CALN1: variants seen among roughly 807,000 people sequenced by gnomAD.
CALN1 encodes the protein calcium-binding protein 8.
Under a neutral mutation model 30.6 loss-of-function variants are expected in CALN1, and 17 were observed. That is an observed-to-expected ratio of 0.56 (90% CI 0.38 to 0.83). The LOEUF (loss-of-function observed/expected upper bound fraction) is 0.83, where lower values mean the gene tolerates loss of function less well. Among genes scored for constraint, CALN1 ranks in the 40% least tolerant of loss-of-function variants. The pLI, the probability that CALN1 is intolerant of heterozygous loss-of-function variation, is 0.00. For synonymous variants in CALN1, 156 were observed against 131.4 expected (o/e 1.19, Z -1.28); for missense variants, 291 against 354.9 (o/e 0.82, Z 1.45).
At chr7:72,231,491 C>T (rs1585222458) in intron 3 of CALN1, among the ~76,000 whole-genome samples, 1 of 152,148 alleles carries the variant, frequency 6.6e-6, no homozygotes, top group African/African-American at 2.4e-5. Flanking sequence ...TCATAGTATT[C>T]CATGGTATAT....
intron 3 of CALN1, among the ~76,000 whole-genome samples, chr7:72,137,909 C>T (rs780266887): frequency 1.1e-4 from 16 of 152,128 alleles, no homozygotes; most frequent in Middle Eastern, 3.4e-3. Flanking sequence ...GAGAATGATA[C>T]GGAAATGTGC....
At chr7:72,397,401 T>C (rs1160465298) in intron 2 of CALN1, among the ~76,000 whole-genome samples, 1 of 151,590 alleles carries the variant, frequency 6.6e-6, no homozygotes, top group Non-Finnish European at 1.5e-5. Context: ...GTCACAGGAG[T>C]TGAAGTTGAG....
chr7:72,452,829 T>C, the CALN1 span, among the ~76,000 whole-genome samples: 1 of 152,302 alleles, frequency 6.6e-6, no homozygotes, highest in South Asian at 2.1e-4. Context: ...TCTGGTTTTG[T>C]GCTGGTTACT....
At chr7:71,835,136 G>A (rs1789530939) in intron 5 of CALN1, among the ~76,000 whole-genome samples, 2 of 152,190 alleles carry the variant, frequency 1.3e-5, no homozygotes, top group Admixed American at 1.3e-4. Context: ...ACTGTGCCCT[G>A]CCAAGACTTT....
At chr7:71,847,785 GA>G (rs1368694016) in intron 5 of CALN1, among the ~76,000 whole-genome samples, 2 of 147,960 alleles carry the variant, frequency 1.4e-5, no homozygotes, top group Non-Finnish European at 3.0e-5. Context: ...AGAAGAAGAA[GA>G]AGAAGAAGAA....
At chr7:71,859,774 G>A (rs558069254) in intron 5 of CALN1, among the ~76,000 whole-genome samples, 101 of 152,292 alleles carry the variant, frequency 6.6e-4, no homozygotes, top group Non-Finnish European at 1.1e-3. Context: ...GAGCCCATGC[G>A]GACACGGTGT....
chr7:72,272,857 C>G, intron 3 of CALN1, among the ~76,000 whole-genome samples: 1 of 152,078 alleles, frequency 6.6e-6, no homozygotes, highest in Middle Eastern at 3.2e-3. Context: ...ACAACTTAAC[C>G]GCAGCCATGG....
the CALN1 span, among the ~76,000 whole-genome samples, chr7:72,475,557 T>C: frequency 6.6e-6 from 1 of 152,244 alleles, no homozygotes; most frequent in Non-Finnish European, 1.5e-5. Flanking sequence ...ATCTTTCTGA[T>C]GCATAGCTTT....
At chr7:72,428,307 C>A (rs1807860567) in intron 1 of CALN1, among the ~76,000 whole-genome samples, 2 of 151,898 alleles carry the variant, frequency 1.3e-5, no homozygotes, top group Admixed American at 1.3e-4. Context: ...TGGCAAGTGG[C>A]CCAAAGCAGG....
At chr7:71,938,071 A>G (rs1795939063) in intron 5 of CALN1, among the ~76,000 whole-genome samples, 1 of 152,234 alleles carries the variant, frequency 6.6e-6, no homozygotes, top group South Asian at 2.1e-4. Flanking sequence ...AGAGTTTACC[A>G]AAGAATGGGC....
At chr7:72,054,548 T>TATATATAC (rs1803123397) in intron 4 of CALN1, among the ~76,000 whole-genome samples, 20 of 134,220 alleles carry the variant, frequency 1.5e-4, no homozygotes, top group African/African-American at 5.1e-4. Flanking sequence ...TATATACATA[T>TATATATAC]ATATATATAT....
At chr7:72,385,289 G>T (rs1012725561) in intron 2 of CALN1, among the ~76,000 whole-genome samples, 1 of 152,104 alleles carries the variant, frequency 6.6e-6, no homozygotes, top group Non-Finnish European at 1.5e-5. Context: ...AGCAAACAGG[G>T]TCTCAGGTAT....
intron 3 of CALN1, among the ~76,000 whole-genome samples, chr7:72,192,358 C>T (rs536003091): frequency 4.6e-5 from 7 of 152,274 alleles, no homozygotes; most frequent in African/African-American, 1.4e-4. Flanking sequence ...CTTGTCAAAA[C>T]ACAGTAATAT....
intron 2 of CALN1, among the ~76,000 whole-genome samples, chr7:72,285,889 C>T (rs1169636627): frequency 6.6e-6 from 1 of 152,110 alleles, no homozygotes; most frequent in Non-Finnish European, 1.5e-5. Flanking sequence ...CCTCCAATTA[C>T]CAGACATACA....
intron 1 of CALN1, among the ~76,000 whole-genome samples, chr7:72,421,694 C>A (rs1194341811): frequency 6.9e-6 from 1 of 145,088 alleles, no homozygotes; most frequent in Non-Finnish European, 1.5e-5. Context: ...TCAAGTGGTT[C>A]TCCCGCCTCA....
At chr7:72,406,025 C>T (rs1268150607) in intron 1 of CALN1, among the ~76,000 whole-genome samples, 2 of 152,166 alleles carry the variant, frequency 1.3e-5, no homozygotes, top group East Asian at 3.9e-4. Context: ...CTGAAGGTGG[C>T]AGCTCCCCGT....
the CALN1 span, among the ~76,000 whole-genome samples, chr7:72,494,869 A>AAATAATAATAAT: frequency 1.1e-4 from 16 of 150,846 alleles, no homozygotes; most frequent in Non-Finnish European, 1.6e-4. Flanking sequence ...CCTGTCTCAA[A>AAATAATAATAAT]AATAATAATA....
At chr7:72,269,330 G>T (rs7782831) in intron 3 of CALN1, among the ~76,000 whole-genome samples, 51,692 of 151,828 alleles carry the variant, frequency 0.34, 10,078 homozygotes, top group Middle Eastern at 0.53. Flanking sequence ...TTAACATTAG[G>T]TATATCTCCT....
chr7:72,365,833 T>A (rs1803843181), intron 2 of CALN1, among the ~76,000 whole-genome samples: 1 of 152,208 alleles, frequency 6.6e-6, no homozygotes, highest in South Asian at 2.1e-4. Context: ...TAGGGAAAAT[T>A]CAGTGTGAGT....
Sources: allele counts gnomAD v4.1 joint callset (sites outside exome capture counted in the v4.1 genomes callset), GRCh38; gene constraint gnomAD v4.1.1; transcripts MANE v1.5; gene names NCBI Gene and HGNC (gene_info 2026-07-23, HGNC 2026-07-21).